SPATS2L: variants seen among roughly 807,000 people sequenced by gnomAD.
SPATS2L encodes the protein spermatogenesis associated serine rich 2 like, also known as SPATS2-like protein.
Under a neutral mutation model 59.6 loss-of-function variants are expected in SPATS2L, and 30 were observed. That is an observed-to-expected ratio of 0.50 (90% CI 0.38 to 0.68). SPATS2L has a LOEUF of 0.68. SPATS2L is among the 30% of genes least tolerant of loss of function. The pLI is 0.00. For missense variants in SPATS2L, 615 were observed against 700.0 expected (o/e 0.88, Z 1.37); for synonymous variants, 252 against 263.5 (o/e 0.96, Z 0.42).
chr2:200,314,452 A>C (rs1213441099), intron 1 of SPATS2L, among the ~76,000 whole-genome samples: 1 of 152,146 alleles, frequency 6.6e-6, no homozygotes, highest in Non-Finnish European at 1.5e-5. Context: ...GCCTGTCTCC[A>C]ATTTGTTCCT....
rs749362709 is a variant in SPATS2L, at chr2:200,478,070, T to G, written c.*39T>G. On this transcript the variant is annotated 3_prime_UTR_variant, in exon 13 of 13. Transcript: ENST00000409140. The stretch of plus-strand genomic sequence containing the variant: ...AGAGCAGTTTTCACTCAGTTTTGGT[T>G]CCCTGCCCGAGGTGCTGACCCAATT... 1.3e-6 allele frequency: 2 copies of G among 1,509,996 alleles called. No individual in the cohort carries two copies. The highest frequency in any genetic ancestry group is 2.8e-5 in the African/African-American group (2 of 71,630). The allele number at this position is 1,509,996 out of a possible 1,614,324, so 93.5% of individuals were successfully genotyped here.
intron 2 of SPATS2L, among the ~76,000 whole-genome samples, chr2:200,387,125 C>T (rs183110281): frequency 2.6e-5 from 4 of 152,286 alleles, no homozygotes; most frequent in South Asian, 4.1e-4. Flanking sequence ...TCTTTACAAA[C>T]GAGTAACTTT....
intron 1 of SPATS2L, among the ~76,000 whole-genome samples, chr2:200,317,798 T>C (rs2079428865): frequency 6.6e-6 from 1 of 152,240 alleles, no homozygotes; most frequent in African/African-American, 2.4e-5. Context: ...TAAACTTTTA[T>C]TTCTATTCTT....
At chr2:200,445,179 G>T (rs2106124955) in intron 8 of SPATS2L, among the ~76,000 whole-genome samples, 1 of 152,124 alleles carries the variant, frequency 6.6e-6, no homozygotes, top group Admixed American at 6.5e-5. Context: ...TAGGTGTGAT[G>T]GTTCGTCTGT....
intron 8 of SPATS2L, among the ~76,000 whole-genome samples, chr2:200,453,392 A>G (rs2085603194): frequency 1.3e-5 from 2 of 152,232 alleles, no homozygotes; most frequent in Admixed American, 1.3e-4. Flanking sequence ...GACAGCTGCA[A>G]CAAAGAAATT....
rs192721649 is a variant in SPATS2L at position 200,451,510 on chromosome 2, G to T, written c.789-8259G>T. On this transcript the variant is annotated intron_variant, in intron 8 of 12. Transcript: ENST00000409140. ...AAGTGAGTACATAAAATTTAATATT[G>T]TATTCCTGCTCCATTTTGGAAGCCT... Among the ~76,000 whole-genome samples, 12 of 152,248 alleles carry T rather than the reference G, an allele frequency of 7.9e-5. No homozygotes were observed. In the East Asian group the frequency reaches 2.1e-3, roughly 27 times the overall value.
In SPATS2L at chr2:200,370,612, A is replaced by G. The variant is rs563984888; in HGVS notation, c.-22-18611A>G. Among the ~76,000 whole-genome samples, 3 of 152,294 alleles carry G rather than the reference A, an allele frequency of 2.0e-5. No individual in the cohort carries two copies. In the South Asian group the frequency reaches 6.2e-4, roughly 32 times the overall value. ...AATAACTGACATTTATTGAACTCTT[A>G]TGTGTCAAAAACTGTTCTATTATTC... On this transcript the variant is annotated intron_variant, in intron 2 of 12. Coordinates refer to ENST00000409140, the MANE Select transcript of SPATS2L (RefSeq NM_001100423.2).
chr2:200,430,717 T>G (rs1574502078), intron 6 of SPATS2L, among the ~76,000 whole-genome samples: 2 of 138,408 alleles, frequency 1.4e-5, no homozygotes, highest in Admixed American at 7.2e-5. Context: ...ATTGTTTCCT[T>G]TTTTTTTTTT....
At chr2:200,374,018 G>A (rs954259976) in intron 2 of SPATS2L, among the ~76,000 whole-genome samples, 6 of 152,128 alleles carry the variant, frequency 3.9e-5, no homozygotes, top group Admixed American at 2.6e-4. Flanking sequence ...GCTGCATTAC[G>A]AACAGAACAA....
chr2:200,325,901 T>A (rs937321978), intron 1 of SPATS2L, among the ~76,000 whole-genome samples: 1 of 143,562 alleles, frequency 7.0e-6, no homozygotes, highest in Non-Finnish European at 1.5e-5. Context: ...CTTATCTTCC[T>A]TGTGTTCTTT....
At chr2:200,308,239 G>GA (rs11400971) in intron 1 of SPATS2L, among the ~76,000 whole-genome samples, 68,622 of 146,928 alleles carry the variant, frequency 0.47, 16,525 homozygotes, top group African/African-American at 0.61. Context: ...TCTTCACTCT[G>GA]AAAAAAAAAA....
At chr2:200,312,084 A>G (rs1189979061) in intron 1 of SPATS2L, among the ~76,000 whole-genome samples, 1 of 152,198 alleles carries the variant, frequency 6.6e-6, no homozygotes, top group African/African-American at 2.4e-5. Flanking sequence ...AAGGATATAT[A>G]GATACCTGCA....
At chr2:200,452,621 A>G (rs1160543115) in intron 8 of SPATS2L, among the ~76,000 whole-genome samples, 2 of 152,222 alleles carry the variant, frequency 1.3e-5, no homozygotes, top group Non-Finnish European at 2.9e-5. Context: ...ATAAAATGTC[A>G]GCCTGATTGG....
At chr2:200,473,209 G>A (rs983872974) in intron 12 of SPATS2L, among the ~76,000 whole-genome samples, 157 bp downstream of exon 12, 5 of 152,102 alleles carry the variant, frequency 3.3e-5, no homozygotes, top group African/African-American at 9.7e-5. Flanking sequence ...GCACTGCCCA[G>A]CTGGCCTCTT....
At chr2:200,453,089 C>T (rs1266499517) in intron 8 of SPATS2L, among the ~76,000 whole-genome samples, 1 of 152,094 alleles carries the variant, frequency 6.6e-6, no homozygotes, top group Non-Finnish European at 1.5e-5. Context: ...TGGAGAGGTG[C>T]ATGGGACAGA....
chr2:200,310,162 C>T (rs1488419510), intron 1 of SPATS2L, among the ~76,000 whole-genome samples: 1 of 152,128 alleles, frequency 6.6e-6, no homozygotes, highest in East Asian at 1.9e-4. Flanking sequence ...TGGTGGATGG[C>T]CTGCTGTCAA....
intron 2 of SPATS2L, among the ~76,000 whole-genome samples, chr2:200,333,597 AC>A (rs2080033869): frequency 6.6e-6 from 1 of 151,898 alleles, no homozygotes; most frequent in Non-Finnish European, 1.5e-5. Context: ...GGTGTGCTGC[AC>A]CCATTAACTC....
chr2:200,396,032 A>AAAAAATATATATAT (rs2082331013), intron 3 of SPATS2L, among the ~76,000 whole-genome samples: 1 of 39,220 alleles, frequency 2.5e-5, no homozygotes, highest in African/African-American at 6.6e-5. Context: ...AAAAAAAAAA[A>AAAAAATATATATAT]AATATATATA....
intron 2 of SPATS2L, among the ~76,000 whole-genome samples, chr2:200,357,105 G>A (rs1253129530): frequency 9.9e-5 from 15 of 152,174 alleles, no homozygotes; most frequent in Admixed American, 9.8e-4. Context: ...TTAAAATTGT[G>A]TGAAGTTGTT....
Sources: gnomAD v4.1 joint callset for allele counts (sites outside exome capture counted in the v4.1 genomes callset) on GRCh38, gnomAD v4.1.1 for gene constraint, MANE v1.5 for transcripts, NCBI Gene and HGNC (gene_info 2026-07-23, HGNC 2026-07-21) for gene names.